CHL1: variants seen among roughly 807,000 people sequenced by gnomAD.
CHL1 encodes neural cell adhesion molecule L1-like protein.
Under a neutral mutation model 141.9 loss-of-function variants are expected in CHL1, and 96 were observed. The observed-to-expected ratio is 0.68, with a 90% CI of 0.57 to 0.80. The LOEUF is 0.80. Ranked by LOEUF, CHL1 falls within the 30% of genes least tolerant of loss-of-function variation. The pLI is 0.00. For missense variants in CHL1, 1,820 were observed against 1,457.2 expected, an observed-to-expected ratio of 1.25 and a Z score of -4.05; for synonymous variants, 613 against 502.2, an observed-to-expected ratio of 1.22 and a Z score of -2.95.
chr3:382,207 C>A lies in CHL1; in HGVS notation c.1905C>A (p.His635Gln). ...TTCCGGATCCACCAGAAAACCTTCACTTGTCTGAAAGACAGAACAGGAGTG... is the reference window on the plus strand; with the variant it reads ...TTCCGGATCCACCAGAAAACCTTCAATTGTCTGAAAGACAGAACAGGAGTG... ...LDVPDPPENLHLSERQNRSVR... is the reference protein window; with the variant it reads ...LDVPDPPENLQLSERQNRSVR... The change falls in exon 17 of 28, where the codon CAC becomes CAA. Residue 635 changes from histidine (H) to glutamine (Q), a missense_variant. By Grantham distance (24) the His-to-Gln change is conservative. Coordinates refer to ENST00000256509, the MANE Select transcript of CHL1 (RefSeq NM_006614.4). 1 of 1,613,642 alleles carries A rather than the reference C, an allele frequency of 6.2e-7. No homozygotes were observed. The highest frequency in any genetic ancestry group is 8.5e-7 in the Non-Finnish European group (1 of 1,179,698).
intron 2 of CHL1, among the ~76,000 whole-genome samples, chr3:292,954 G>C (rs1196059141): frequency 6.6e-6 from 1 of 152,224 alleles, no homozygotes; most frequent in African/African-American, 2.4e-5. Context: ...GGTTGAGACA[G>C]ATATCCAAGC....
intron 16 of CHL1, among the ~76,000 whole-genome samples, chr3:379,053 C>G (rs1376780313): frequency 1.3e-5 from 2 of 152,138 alleles, no homozygotes; most frequent in Non-Finnish European, 2.9e-5. Context: ...CCTTCTTTAT[C>G]ATATGTCTAC....
rs371383815 is a variant in CHL1 at position 328,369 on chromosome 3, G to A, written c.385+15G>A. 9 of 1,582,350 alleles carry A rather than the reference G, an allele frequency of 5.7e-6. No homozygotes were observed. The East Asian group carries it at 1.4e-4, about 24-fold the overall frequency. ...TATAGTTCCAAGTAAGTACTATAAC[G>A]GGAATTTCATTTTACAAGTGTTTTA... On this transcript the variant is annotated intron_variant, in intron 5 of 27. Transcript: ENST00000256509.
At chr3:326,504 T>C (rs1259393362) in intron 4 of CHL1, among the ~76,000 whole-genome samples, 1 of 152,000 alleles carries the variant, frequency 6.6e-6, no homozygotes, top group African/African-American at 2.4e-5. Context: ...TTACTTGATT[T>C]TTTTTAAGTT....
At chr3:201,523 C>T (rs1419215237) in intron 1 of CHL1, among the ~76,000 whole-genome samples, 4 of 151,676 alleles carry the variant, frequency 2.6e-5, no homozygotes, top group African/African-American at 7.3e-5. Context: ...TGTGTGTGTG[C>T]GTGTGTGTGA....
Position 349,470 on chromosome 3 carries a change from C to A in CHL1, c.960C>A (p.Asp320Glu). The A allele has an allele frequency of 1.2e-6, 2 of 1,614,022 alleles. No homozygotes were observed. Among genetic ancestry groups the A allele is most frequent in the Non-Finnish European group, 1.7e-6 (2 of 1,179,898 alleles). Residue 320 changes from aspartate to glutamate, a missense_variant, in exon 10 of 28, where the codon GAC (aspartate) becomes GAA (glutamate). Asp to Glu is a conservative substitution (Grantham distance 45, BLOSUM62 2). Coordinates refer to ENST00000256509, the MANE Select transcript of CHL1 (RefSeq NM_006614.4). ...AGATAGAGAATGTCTCCTACCAGGACAAAGGAAATTATCGCTGCACAGCCA... is the reference window on the plus strand; with the variant it reads ...AGATAGAGAATGTCTCCTACCAGGAAAAAGGAAATTATCGCTGCACAGCCA... ...TLKIENVSYQ[D>E]KGNYRCTASN...
intron 20 of CHL1, among the ~76,000 whole-genome samples, chr3:389,869 G>T (rs911156999): frequency 6.6e-6 from 1 of 152,116 alleles, no homozygotes; most frequent in African/African-American, 2.4e-5. Context: ...GGCTTCAGTG[G>T]CATGTCTGGA....
At chr3:363,777 C>T in intron 14 of CHL1, 1 of 159,916 alleles carries the variant, frequency 6.3e-6, no homozygotes, top group Non-Finnish European at 1.4e-5. Context: ...ATGACTGAGG[C>T]ATGACAGAAT....
chr3:235,208 A>T (rs1012705888), intron 1 of CHL1, among the ~76,000 whole-genome samples: 1 of 152,074 alleles, frequency 6.6e-6, no homozygotes, highest in African/African-American at 2.4e-5. Context: ...GCCATAAAGA[A>T]CAAGAGTTTG....
intron 15 of CHL1, among the ~76,000 whole-genome samples, chr3:369,961 G>A (rs1485810857): frequency 6.6e-6 from 1 of 152,176 alleles, no homozygotes; most frequent in Non-Finnish European, 1.5e-5. Flanking sequence ...CTTGTTCATG[G>A]TGGATAAGTT....
chr3:331,894 C>T (rs992176159), intron 5 of CHL1, among the ~76,000 whole-genome samples: 1 of 152,160 alleles, frequency 6.6e-6, no homozygotes, highest in Non-Finnish European at 1.5e-5. Flanking sequence ...TTTGATCCTA[C>T]CCAATTGGGA....
At chr3:225,965 C>T (rs1701300148) in intron 1 of CHL1, among the ~76,000 whole-genome samples, 1 of 151,412 alleles carries the variant, frequency 6.6e-6, no homozygotes, top group Non-Finnish European at 1.5e-5. Flanking sequence ...GCCGAGATAG[C>T]ACCAGTGCAC....
At chr3:349,324 A>G in intron 9 of CHL1, 35 bp from the exon 10 acceptor site, 2 of 1,555,548 alleles carry the variant, frequency 1.3e-6, no homozygotes, top group Non-Finnish European at 1.8e-6. Context: ...TTCCGCTTTT[A>G]AAAAAATGTT....
At position 341,975 on chromosome 3, in the gene CHL1, C is replaced by T; in HGVS notation, c.572C>T (p.Ala191Val). ...AGCCAAAAGGGAGATCTATACTTCG[C>T]AAACGTGGAAGAAAAGGACAGTCGC... ...YMSQKGDLYFANVEEKDSRND... is the reference protein window; with the variant it reads ...YMSQKGDLYFVNVEEKDSRND... The change falls in exon 7 of 28, where the codon GCA (alanine) becomes GTA (valine). Residue 191 changes from alanine to valine, a missense_variant. Physicochemically the swap from Ala to Val is moderately conservative, Grantham distance 64. Coordinates refer to ENST00000256509, the MANE Select transcript of CHL1 (RefSeq NM_006614.4). 2.5e-6 allele frequency: 4 copies of T among 1,613,410 alleles called. No individual in the cohort carries two copies. The highest frequency in any genetic ancestry group is 3.4e-6 in the Non-Finnish European group (4 of 1,179,486).
In CHL1 at chr3:377,889, C is replaced by A; in HGVS notation, c.1823C>A (p.Ser608Ter). ...TLEDQGIYCCSAHTALDSAAD... is the reference protein window; with the variant it reads ...TLEDQGIYCC ...GAGGACCAAGGTATTTACTGCTGTT[C>A]AGCTCATACTGCTCTAGACAGTGCT... The change falls in exon 16 of 28, where the codon TCA becomes TAA. Residue 608 changes from serine (S) to a stop codon, truncating the protein, a stop_gained. Coordinates refer to ENST00000256509, the MANE Select transcript of CHL1 (RefSeq NM_006614.4). LOFTEE classifies it high-confidence loss of function. 1 of 1,612,960 alleles carries A rather than the reference C, an allele frequency of 6.2e-7. No individual in the cohort carries two copies. Among genetic ancestry groups the A allele is most frequent in the South Asian group, 1.1e-5 (1 of 90,978 alleles).
At chr3:337,505 A>G (rs1050123463) in intron 5 of CHL1, among the ~76,000 whole-genome samples, 1 of 151,008 alleles carries the variant, frequency 6.6e-6, no homozygotes, top group Non-Finnish European at 1.5e-5. Context: ...TCCCAATGCT[A>G]TCCCTCCCCT....
chr3:345,515 ACT>A (rs890474664), intron 9 of CHL1, among the ~76,000 whole-genome samples: 1 of 151,202 alleles, frequency 6.6e-6, no homozygotes, highest in Middle Eastern at 3.2e-3. Context: ...ACAGGGTCTC[ACT>A]CTGTCACCCA....
chr3:316,806 T>C (rs1012021408), intron 2 of CHL1, among the ~76,000 whole-genome samples: 1 of 151,964 alleles, frequency 6.6e-6, no homozygotes, highest in African/African-American at 2.4e-5. Flanking sequence ...AAAAATTAGT[T>C]CTTGTCTTAG....
chr3:292,354 G>A (rs1428233342), intron 2 of CHL1, among the ~76,000 whole-genome samples: 1 of 152,182 alleles, frequency 6.6e-6, no homozygotes, highest in Non-Finnish European at 1.5e-5. Context: ...AGCTTTACTT[G>A]ACTTTCCCAC....
Sources: gnomAD v4.1 joint callset for allele counts (sites outside exome capture counted in the v4.1 genomes callset) on GRCh38, gnomAD v4.1.1 for gene constraint, MANE v1.5 for transcripts, NCBI Gene and HGNC (gene_info 2026-07-23, HGNC 2026-07-21) for gene names.